The following RANBP2 variants were observed in gnomAD, a reference collection of about 807,000 sequenced individuals.
The protein encoded by RANBP2 is E3 SUMO-protein ligase RanBP2.
Under a neutral mutation model 303.6 loss-of-function variants are expected in RANBP2, and 57 were observed. That is an observed-to-expected ratio of 0.19 (90% CI 0.15 to 0.23). The LOEUF (loss-of-function observed/expected upper bound fraction) is 0.23, where lower values mean the gene tolerates loss of function less well. Ranked by LOEUF, RANBP2 falls within the 10% of genes least tolerant of loss-of-function variation. RANBP2 has a pLI of 1.00. For synonymous variants in RANBP2, 1,167 were observed against 1,301.5 expected, an observed-to-expected ratio of 0.90 and a Z score of 2.23; for missense variants, 3,138 against 3,780.8, an observed-to-expected ratio of 0.83 and a Z score of 4.46.
At chr2:109,567,345 C>G in the RANBP2 span, among the ~76,000 whole-genome samples, 1 of 152,214 alleles carries the variant, frequency 6.6e-6, no homozygotes, top group South Asian at 2.1e-4. Context: ...AGAACTTAGT[C>G]ACCTTCCATT....
the RANBP2 span, among the ~76,000 whole-genome samples, chr2:109,415,124 C>T: frequency 7.4e-6 from 1 of 134,480 alleles, no homozygotes; most frequent in Non-Finnish European, 1.6e-5. Flanking sequence ...ACGTGGGCAG[C>T]CTCTAGAAGC....
chr2:109,329,985 A>C, the RANBP2 span, among the ~76,000 whole-genome samples: 1 of 152,242 alleles, frequency 6.6e-6, no homozygotes, highest in African/African-American at 2.4e-5. Context: ...CAGTTTGACT[A>C]GCATTGAGAG....
At chr2:109,058,606 C>T in the RANBP2 span, among the ~76,000 whole-genome samples, 1 of 152,242 alleles carries the variant, frequency 6.6e-6, no homozygotes. Flanking sequence ...TGATGCAATT[C>T]ATTAAACAAT....
chr2:108,873,435 T>G, the RANBP2 span: 1 of 1,572,834 alleles, frequency 6.4e-7, no homozygotes, highest in Non-Finnish European at 8.6e-7. Flanking sequence ...TAAAGCACTG[T>G]TGATTTGTTT....
chr2:109,237,600 G>T, the RANBP2 span, among the ~76,000 whole-genome samples: 1 of 152,128 alleles, frequency 6.6e-6, no homozygotes. Context: ...AGATTTTTGT[G>T]TGTGTGAATT....
chr2:108,912,859 A>G, the RANBP2 span: 1 of 1,075,318 alleles, frequency 9.3e-7, no homozygotes, highest in Non-Finnish European at 1.4e-6. Flanking sequence ...ATGATCATGA[A>G]TGGGCCTGAG....
intron 7 of RANBP2, among the ~76,000 whole-genome samples, chr2:108,745,350 A>G (rs1696425251): frequency 6.8e-6 from 1 of 147,020 alleles, no homozygotes; most frequent in African/African-American, 2.5e-5. Flanking sequence ...TACTTTTGGC[A>G]TGTTTCTAGT....
the RANBP2 span, among the ~76,000 whole-genome samples, chr2:109,562,292 C>T: frequency 6.6e-6 from 1 of 151,556 alleles, no homozygotes; most frequent in African/African-American, 2.4e-5. Flanking sequence ...CTGTCACTAC[C>T]CCTCTCTTTC....
At chr2:109,707,487 A>G in the RANBP2 span, among the ~76,000 whole-genome samples, 48 of 152,210 alleles carry the variant, frequency 3.2e-4, no homozygotes, top group African/African-American at 1.1e-3. Flanking sequence ...TCAGCTATAA[A>G]TACCCACGTT....
the RANBP2 span, among the ~76,000 whole-genome samples, chr2:109,550,189 C>T: frequency 1.3e-5 from 2 of 151,766 alleles, no homozygotes; most frequent in Non-Finnish European, 2.9e-5. Flanking sequence ...ACTCGGGAGG[C>T]TGAGGCAGGA....
chr2:109,059,816 G>A, the RANBP2 span, among the ~76,000 whole-genome samples: 1 of 130,670 alleles, frequency 7.7e-6, no homozygotes, highest in Admixed American at 7.5e-5. Flanking sequence ...TGCAGTGTAG[G>A]GAAGGGGTTT....
the RANBP2 span, chr2:108,908,170 C>A: frequency 3.6e-6 from 3 of 835,314 alleles, no homozygotes; most frequent in Non-Finnish European, 3.7e-6. Flanking sequence ...CTTGTGGGCA[C>A]GGGACCAGGG....
the RANBP2 span, among the ~76,000 whole-genome samples, chr2:108,797,480 A>G: frequency 2.4e-4 from 37 of 152,114 alleles, no homozygotes; most frequent in Non-Finnish European, 4.0e-4. Flanking sequence ...TGAGTTGAGG[A>G]GTGATTCTGA....
At chr2:109,574,677 A>C in the RANBP2 span, 1 of 1,610,662 alleles carries the variant, frequency 6.2e-7, no homozygotes, top group Non-Finnish European at 8.5e-7. Flanking sequence ...TGCGAGAATC[A>C]TGGTAGGTAA....
the RANBP2 span, among the ~76,000 whole-genome samples, chr2:109,025,689 T>C: frequency 4.0e-5 from 6 of 151,182 alleles, no homozygotes; most frequent in African/African-American, 1.2e-4. Flanking sequence ...TCCCAGCTAC[T>C]CGGGAGGCTG....
chr2:109,700,053 T>C, the RANBP2 span, among the ~76,000 whole-genome samples: 47 of 152,330 alleles, frequency 3.1e-4, no homozygotes, highest in African/African-American at 1.1e-3. Flanking sequence ...TTATCTTCCA[T>C]GGGTGGAGGC....
the RANBP2 span, among the ~76,000 whole-genome samples, chr2:109,225,319 G>A: frequency 7.2e-5 from 11 of 152,346 alleles, no homozygotes; most frequent in East Asian, 2.1e-3. Flanking sequence ...TCAGCTGGGT[G>A]GAGAGACCTG....
At chr2:109,390,785 C>T in the RANBP2 span, among the ~76,000 whole-genome samples, 8 of 152,152 alleles carry the variant, frequency 5.3e-5, no homozygotes, top group African/African-American at 1.7e-4. Context: ...CAGGGGCGGT[C>T]GCTTCCCGGG....
At chr2:109,325,283 G>T in the RANBP2 span, among the ~76,000 whole-genome samples, 1 of 148,772 alleles carries the variant, frequency 6.7e-6, no homozygotes, top group African/African-American at 2.5e-5. Context: ...AATCCCAGGA[G>T]TCATTGGATT....
Sources: gnomAD v4.1 joint callset for allele counts (sites outside exome capture counted in the v4.1 genomes callset) on GRCh38, gnomAD v4.1.1 for gene constraint, MANE v1.5 for transcripts, NCBI Gene and HGNC (gene_info 2026-07-23, HGNC 2026-07-21) for gene names.